The following CREB5 variants were observed in gnomAD, a reference collection of about 807,000 sequenced individuals.
CREB5 encodes the protein cyclic AMP-responsive element-binding protein 5.
CREB5 carries 19 observed loss-of-function variants against 57.1 expected under a neutral mutation model. That is an observed-to-expected ratio of 0.33 (90% CI 0.23 to 0.49). The LOEUF is 0.49. Ranked by LOEUF, CREB5 falls within the 20% of genes least tolerant of loss-of-function variation. CREB5 has a pLI of 0.99. For synonymous variants in CREB5, 238 were observed against 238.3 expected (o/e 1.00, Z 0.01); for missense variants, 579 against 671.6 (o/e 0.86, Z 1.52).
At chr7:28,447,353 A>T (rs1429207276) in intron 1 of CREB5, among the ~76,000 whole-genome samples, 1 of 152,216 alleles carries the variant, frequency 6.6e-6, no homozygotes, top group African/African-American at 2.4e-5. Flanking sequence ...AGAAATGAAG[A>T]TGAGGTTTTC....
At chr7:28,647,202 A>G (rs1044367043) in intron 5 of CREB5, among the ~76,000 whole-genome samples, 18 of 151,276 alleles carry the variant, frequency 1.2e-4, no homozygotes, top group Non-Finnish European at 1.9e-4. Flanking sequence ...AGGGCTTGCC[A>G]GCACTGGCCA....
At chr7:28,537,935 G>A (rs895530535) in intron 4 of CREB5, among the ~76,000 whole-genome samples, 1 of 152,118 alleles carries the variant, frequency 6.6e-6, no homozygotes, top group African/African-American at 2.4e-5. Context: ...CTCTGTAATC[G>A]AATGTGACCA....
chr7:28,545,191 C>T (rs1484333926), intron 4 of CREB5, among the ~76,000 whole-genome samples: 1 of 152,184 alleles, frequency 6.6e-6, no homozygotes, highest in Non-Finnish European at 1.5e-5. Context: ...AAGAATTCCA[C>T]TTCACTGCCC....
chr7:28,477,244 C>T (rs1791114088), intron 1 of CREB5, among the ~76,000 whole-genome samples: 2 of 152,342 alleles, frequency 1.3e-5, no homozygotes, highest in Non-Finnish European at 2.9e-5. Context: ...CCACAATTTC[C>T]CAGTGTGGAT....
intron 1 of CREB5, among the ~76,000 whole-genome samples, chr7:28,445,490 C>G (rs1789397947): frequency 6.6e-6 from 1 of 151,686 alleles, no homozygotes; most frequent in East Asian, 1.9e-4. Context: ...AATCCTTGGA[C>G]CTTGGAGCAG....
At chr7:28,635,915 C>T (rs1397948168) in intron 5 of CREB5, among the ~76,000 whole-genome samples, 1 of 152,214 alleles carries the variant, frequency 6.6e-6, no homozygotes, top group Non-Finnish European at 1.5e-5. Flanking sequence ...TAGCTCAGAC[C>T]TGTGAGCCCA....
In CREB5 at chr7:28,718,772, T is replaced by C; in HGVS notation, c.484T>C (p.Ser162Pro). ...RQIGPVPGSL[S>P]SLLHLHNRQR... is the part of the protein sequence containing the mutation. The stretch of plus-strand genomic sequence containing the variant: ...TCCCAGGCCTGTCCCAGGCTCTCTA[T>C]CTTCTCTGCTACATCTCCACAACAG... The change falls in exon 6 of 11, where the codon TCT becomes CCT. Residue 162 changes from serine (S) to proline (P), a missense_variant. This residue lies in a region of CREB5 where 459 missense variants were observed against 515.7 expected (regional missense o/e 0.89). Coordinates refer to ENST00000357727, the MANE Select transcript of CREB5 (RefSeq NM_182898.4). 6.2e-7 allele frequency: 1 copy of C among 1,614,046 alleles called. No homozygotes were observed. Among genetic ancestry groups the C allele is most frequent in the East Asian group, 2.2e-5 (1 of 44,870 alleles).
chr7:28,317,917 C>T (rs979266301), intron 1 of CREB5, among the ~76,000 whole-genome samples: 4 of 152,186 alleles, frequency 2.6e-5, no homozygotes, highest in African/African-American at 9.7e-5. Context: ...GTATTTGAAA[C>T]ATTGGTCAAC....
At chr7:28,328,862 TTG>T (rs1488671240) in intron 1 of CREB5, among the ~76,000 whole-genome samples, 11 of 152,204 alleles carry the variant, frequency 7.2e-5, no homozygotes, top group Admixed American at 6.5e-5. Flanking sequence ...GCTTAGGGTA[TTG>T]AGAGGGCTCT....
chr7:28,635,670 C>A (rs1798389266), intron 5 of CREB5, among the ~76,000 whole-genome samples: 2 of 152,228 alleles, frequency 1.3e-5, no homozygotes, highest in African/African-American at 4.8e-5. Context: ...CTATCACCAT[C>A]ATCTATCTAT....
intron 1 of CREB5, among the ~76,000 whole-genome samples, chr7:28,466,285 A>G (rs1001144291): frequency 4.6e-5 from 7 of 151,146 alleles, no homozygotes; most frequent in African/African-American, 1.7e-4. Flanking sequence ...GGGAATGATA[A>G]TGTTCTCCAA....
chr7:28,643,145 CT>C lies in CREB5; in HGVS notation c.464+72610del, dbSNP rs1337296326. On this transcript the variant is annotated intron_variant, in intron 5 of 10. Transcript: ENST00000357727. ...GGTTTGCAGTGGCACCTGCATTGAACTTGTAGGTGTTAGGAATTTTTTTCTC... is the reference window on the plus strand; with the variant it reads ...GGTTTGCAGTGGCACCTGCATTGAACTGTAGGTGTTAGGAATTTTTTTCTC... 3.3e-5 allele frequency among the ~76,000 whole-genome samples: 5 copies of C among 152,200 alleles called. No individual in the cohort carries two copies. In the East Asian group the frequency reaches 9.7e-4, roughly 29 times the overall value.
At chr7:28,540,466 G>A (rs766964142) in intron 4 of CREB5, among the ~76,000 whole-genome samples, 1 of 152,250 alleles carries the variant, frequency 6.6e-6, no homozygotes, top group South Asian at 2.1e-4. Flanking sequence ...GGGTAAAAGA[G>A]CACAGTAGTC....
chr7:28,662,945 G>A (rs1799668590), intron 5 of CREB5, among the ~76,000 whole-genome samples: 1 of 151,926 alleles, frequency 6.6e-6, no homozygotes, highest in African/African-American at 2.4e-5. Flanking sequence ...AGGAGTTCGA[G>A]ATCAGCTTGG....
intron 1 of CREB5, among the ~76,000 whole-genome samples, chr7:28,336,799 GT>G (rs897385784): frequency 8.8e-4 from 131 of 148,544 alleles, no homozygotes; most frequent in African/African-American, 1.9e-3. Context: ...TTTCTTAGAA[GT>G]TTTTTTTTTA....
intron 5 of CREB5, among the ~76,000 whole-genome samples, chr7:28,674,052 T>C (rs1800199376): frequency 6.6e-6 from 1 of 152,126 alleles, no homozygotes; most frequent in Non-Finnish European, 1.5e-5. Context: ...AGAGCATCCA[T>C]GGTAAAAGGA....
chr7:28,336,970 A>C (rs1785835905), intron 1 of CREB5, among the ~76,000 whole-genome samples: 1 of 152,054 alleles, frequency 6.6e-6, no homozygotes, highest in South Asian at 2.1e-4. Context: ...ATTCAGGAGC[A>C]TATTGTTTAA....
At chr7:28,482,652 C>T (rs550187305) in intron 1 of CREB5, among the ~76,000 whole-genome samples, 1 of 152,338 alleles carries the variant, frequency 6.6e-6, no homozygotes, top group Admixed American at 6.5e-5. Context: ...GCTCTTCCCA[C>T]ACTCACAGGA....
At chr7:28,580,466 A>G (rs1796078371) in intron 5 of CREB5, among the ~76,000 whole-genome samples, 1 of 77,314 alleles carries the variant, frequency 1.3e-5, no homozygotes, top group African/African-American at 4.0e-5. Context: ...CACACACAAT[A>G]GATAGCTGCT....
Sources: allele counts gnomAD v4.1 joint callset (sites outside exome capture counted in the v4.1 genomes callset), GRCh38; gene constraint gnomAD v4.1.1; regional missense constraint gnomAD v4.1.1; transcripts MANE v1.5; gene names NCBI Gene and HGNC (gene_info 2026-07-23, HGNC 2026-07-21).